DNAH9: variants seen among roughly 807,000 people sequenced by gnomAD.
DNAH9 encodes the protein DNAH9 variant protein.
A neutral mutation model predicts 471.6 loss-of-function variants in DNAH9; 345 were observed. That is an observed-to-expected ratio of 0.73 (90% confidence interval 0.67 to 0.80). DNAH9 has a LOEUF of 0.80. Among genes scored for constraint, DNAH9 ranks in the 30% least tolerant of loss-of-function variants. The pLI, the probability that DNAH9 is intolerant of heterozygous loss-of-function variation, is 0.00. For missense variants in DNAH9, 5,407 were observed against 5,609.2 expected, an observed-to-expected ratio of 0.96 and a Z score of 1.15; for synonymous variants, 2,093 against 2,123.6, an observed-to-expected ratio of 0.99 and a Z score of 0.40.
Position 11,893,132 on chromosome 17 carries a change from AC to A in DNAH9, c.11283+1190del, listed in dbSNP as rs1449661308. 2.6e-5 allele frequency among the ~76,000 whole-genome samples: 3 copies of A among 114,976 alleles called. No individual in the cohort carries two copies. The East Asian group carries it at 7.4e-4, about 28-fold the overall frequency. 75.4% of individuals were successfully genotyped at this position (114,976 alleles called of 152,430 possible). Reference sequence around the variant, plus strand: ...AGTGTTGCTTTGCCTCACCCCTCTCACCCCCTATATTCCCCACTCCAGCCCA... The same window carrying A: ...AGTGTTGCTTTGCCTCACCCCTCTCACCCCTATATTCCCCACTCCAGCCCA... On this transcript the variant is annotated intron_variant, in intron 58 of 68. Transcript: ENST00000262442.
chr17:11,610,669 A>C, intron 3 of DNAH9, 115 bp downstream of exon 3: 27 of 952,358 alleles, frequency 2.8e-5, no homozygotes, highest in Non-Finnish European at 4.0e-5. Context: ...TAGGTATTTC[A>C]CATCATCAGT....
chr17:11,881,976 T>C (rs1238359086), intron 55 of DNAH9, among the ~76,000 whole-genome samples: 2 of 151,912 alleles, frequency 1.3e-5, no homozygotes, highest in South Asian at 2.1e-4. Context: ...GAGCCTGGCA[T>C]GAACATGAGT....
chr17:11,969,295 C>T lies in DNAH9; in HGVS notation c.13234-5C>T. Reference sequence around the variant, plus strand: ...AAGGTGCCTCTTCTCATGTTTTATCCTCAGGCTGGGATCATTACAGAGGCA... The same window carrying T: ...AAGGTGCCTCTTCTCATGTTTTATCTTCAGGCTGGGATCATTACAGAGGCA... On this transcript the variant is annotated splice_region_variant and splice_polypyrimidine_tract_variant and intron_variant, in intron 68 of 68. Transcript: ENST00000262442. 6.2e-7 allele frequency: 1 copy of T among 1,613,308 alleles called. No homozygotes were observed. The highest frequency in any genetic ancestry group is 2.2e-5 in the East Asian group (1 of 44,846).
Position 11,749,924 on chromosome 17 carries a change from G to A in DNAH9, c.6610+2158G>A, listed in dbSNP as rs554973277. Among the ~76,000 whole-genome samples, 16 of 152,162 alleles carry A rather than the reference G, an allele frequency of 1.1e-4. No individual in the cohort carries two copies. The South Asian group carries it at 3.3e-3, about 32-fold the overall frequency. The stretch of plus-strand genomic sequence containing the variant: ...ATCCAATGAGGTAAGTCCCTCCTCA[G>A]TAATCTTTTGTAATTTTATTGTCTT... On this transcript the variant is annotated intron_variant, in intron 32 of 68. Transcript: ENST00000262442.
At chr17:11,940,686 C>T (rs896667621) in intron 66 of DNAH9, among the ~76,000 whole-genome samples, 1 of 152,158 alleles carries the variant, frequency 6.6e-6, no homozygotes, top group Non-Finnish European at 1.5e-5. Flanking sequence ...ATCCTTTACA[C>T]TTATATAGTT....
intron 24 of DNAH9, among the ~76,000 whole-genome samples, chr17:11,701,465 T>A (rs1204709917): frequency 6.6e-6 from 1 of 152,184 alleles, no homozygotes; most frequent in Non-Finnish European, 1.5e-5. Context: ...AAGGGTGATC[T>A]CTTTTTGCCC....
At chr17:11,872,643 G>A (rs148024912) in intron 52 of DNAH9, among the ~76,000 whole-genome samples, 36 of 152,280 alleles carry the variant, frequency 2.4e-4, no homozygotes, top group Non-Finnish European at 4.6e-4. Flanking sequence ...AAGGTGGGCC[G>A]GGCGCGGTGG....
chr17:11,745,941 A>T (rs2075516844), intron 31 of DNAH9, among the ~76,000 whole-genome samples: 1 of 152,250 alleles, frequency 6.6e-6, no homozygotes, highest in South Asian at 2.1e-4. Flanking sequence ...GATGATGTAT[A>T]GAGGATCAAT....
intron 41 of DNAH9, among the ~76,000 whole-genome samples, chr17:11,792,058 G>A (rs968941943): frequency 6.6e-6 from 1 of 152,048 alleles, no homozygotes; most frequent in Non-Finnish European, 1.5e-5. Context: ...GAGGTGGGTG[G>A]ATCACCTGAG....
chr17:11,768,614 G>C lies in DNAH9; in HGVS notation c.7332G>C (p.Glu2444Asp). 6.2e-7 allele frequency: 1 copy of C among 1,614,060 alleles called. No homozygotes were observed. Among genetic ancestry groups the C allele is most frequent in the Non-Finnish European group, 8.5e-7 (1 of 1,179,968 alleles). The change falls in exon 37 of 69, where the codon GAG becomes GAC. Residue 2444 changes from glutamate (E) to aspartate (D), a missense_variant. Physicochemically the swap from Glu to Asp is conservative, Grantham distance 45. This residue lies in a region of DNAH9 where 4,636 missense variants were observed against 4,900.3 expected (regional missense o/e 0.95). Coordinates refer to ENST00000262442, the MANE Select transcript of DNAH9 (RefSeq NM_001372.4). ...TCCCCCAGTTCGAATTTGACCCCGA[G>C]ATGCCCTTGCAGGTGAGTGCAGCTG... ...KLVPQFEFDP[E>D]MPLQACLVHT...
At chr17:11,731,865 T>A (rs957382356) in intron 28 of DNAH9, among the ~76,000 whole-genome samples, 3 of 152,196 alleles carry the variant, frequency 2.0e-5, no homozygotes, top group Non-Finnish European at 4.4e-5. Context: ...AACATACATG[T>A]GCATGTGTCT....
chr17:11,904,399 G>C (rs1014583040), intron 60 of DNAH9, among the ~76,000 whole-genome samples: 2 of 152,068 alleles, frequency 1.3e-5, no homozygotes, highest in Non-Finnish European at 2.9e-5. Flanking sequence ...GTCAGGCCGA[G>C]GCAGGAGGAT....
intron 14 of DNAH9, among the ~76,000 whole-genome samples, chr17:11,657,643 A>AT (rs950894666): frequency 7.9e-5 from 12 of 151,454 alleles, no homozygotes; most frequent in Middle Eastern, 3.2e-3. Flanking sequence ...GATATCTTTT[A>AT]TTTTTTTTCT....
At chr17:11,748,512 C>T (rs1371967930) in intron 32 of DNAH9, among the ~76,000 whole-genome samples, 18 of 152,116 alleles carry the variant, frequency 1.2e-4, no homozygotes. Flanking sequence ...GGCACGACTC[C>T]CCTATTTGAT....
Position 11,724,207 on chromosome 17 carries a change from C to T in DNAH9, c.5710-3611C>T, listed in dbSNP as rs549919628. Among the ~76,000 whole-genome samples, 7 of 152,212 alleles carry T rather than the reference C, an allele frequency of 4.6e-5. No individual in the cohort carries two copies. The East Asian group carries it at 1.2e-3, about 25-fold the overall frequency. ...TTGTGTTGGGAACATTCCAAATCTCCTCTTCAGCTATTTTGAAATATAAAA... is the reference window on the plus strand; with the variant it reads ...TTGTGTTGGGAACATTCCAAATCTCTTCTTCAGCTATTTTGAAATATAAAA... On this transcript the variant is annotated intron_variant, in intron 27 of 68. Coordinates refer to ENST00000262442, the MANE Select transcript of DNAH9 (RefSeq NM_001372.4).
chr17:11,633,056 C>A (rs1191684667), intron 8 of DNAH9, among the ~76,000 whole-genome samples: 1 of 152,098 alleles, frequency 6.6e-6, no homozygotes, highest in Admixed American at 6.5e-5. Flanking sequence ...CTGGAGCAAA[C>A]CACCTCCCAG....
At chr17:11,738,465 C>T (rs2075383842) in intron 28 of DNAH9, among the ~76,000 whole-genome samples, 1 of 152,180 alleles carries the variant, frequency 6.6e-6, no homozygotes, top group African/African-American at 2.4e-5. Flanking sequence ...ACGGCAACCT[C>T]CACCTCCCTG....
At chr17:11,716,765 G>A (rs150661286) in intron 26 of DNAH9, among the ~76,000 whole-genome samples, 2,355 of 152,288 alleles carry the variant, frequency 0.015, 37 homozygotes, top group Non-Finnish European at 0.023. Context: ...ACCCTCAGCC[G>A]GCAGAGGGGA....
intron 33 of DNAH9, 142 bp from the exon 34 acceptor site, chr17:11,756,426 T>A (rs1967390169): frequency 1.6e-6 from 1 of 643,892 alleles, no homozygotes; most frequent in East Asian, 2.6e-5. Flanking sequence ...AGATGAGATT[T>A]GGGTGGGGAC....
Sources: gnomAD v4.1 joint callset for allele counts (sites outside exome capture counted in the v4.1 genomes callset) on GRCh38, gnomAD v4.1.1 for gene constraint, gnomAD v4.1.1 regional missense constraint, MANE v1.5 for transcripts, NCBI Gene and HGNC (gene_info 2026-07-23, HGNC 2026-07-21) for gene names.